TAF4B: variants seen among roughly 807,000 people sequenced by gnomAD.
The protein encoded by TAF4B is TATA-box binding protein associated factor 4b.
Under a neutral mutation model 86.4 loss-of-function variants are expected in TAF4B, and 38 were observed. The observed-to-expected ratio is 0.44, with a 90% CI of 0.34 to 0.58. The LOEUF (loss-of-function observed/expected upper bound fraction) is 0.58, where lower values mean the gene tolerates loss of function less well. Ranked by LOEUF, TAF4B falls within the 20% of genes least tolerant of loss-of-function variation. The pLI is 0.02. For missense variants in TAF4B, 988 were observed against 1,027.6 expected (o/e 0.96, Z 0.53); for synonymous variants, 388 against 391.2 (o/e 0.99, Z 0.10).
chr18:26,339,837 A>G (rs1306017780), intron 13 of TAF4B, among the ~76,000 whole-genome samples: 1 of 152,154 alleles, frequency 6.6e-6, no homozygotes, highest in Non-Finnish European at 1.5e-5. Context: ...TTCTGATTTG[A>G]TAGTTATATA....
At chr18:26,368,942 CAT>C (rs1598834783) in intron 14 of TAF4B, among the ~76,000 whole-genome samples, 3 of 152,128 alleles carry the variant, frequency 2.0e-5, no homozygotes, top group African/African-American at 4.8e-5. Context: ...AGGCTGAAAA[CAT>C]ATATTAACAA....
chr18:26,255,162 TG>T (rs1324522890), intron 1 of TAF4B, among the ~76,000 whole-genome samples: 1 of 151,800 alleles, frequency 6.6e-6, no homozygotes, highest in Non-Finnish European at 1.5e-5. Flanking sequence ...GAAATTCCCC[TG>T]GTTTCATTCA....
At chr18:26,302,371 A>ATTTTTTTTTTTTTTTTTTTT in intron 9 of TAF4B, among the ~76,000 whole-genome samples, 1 of 93,076 alleles carries the variant, frequency 1.1e-5, no homozygotes, top group Non-Finnish European at 2.0e-5. Flanking sequence ...TTCATATTAA[A>ATTTTTTTTTTTTTTTTTTTT]TTTTTTTTTT....
intron 1 of TAF4B, among the ~76,000 whole-genome samples, chr18:26,232,297 G>A (rs1034724400): frequency 7.9e-5 from 12 of 152,106 alleles, no homozygotes; most frequent in African/African-American, 2.7e-4. Flanking sequence ...ACTTCTTGCT[G>A]GATAGGGGCG....
chr18:26,280,361 A>G (rs868336232), intron 5 of TAF4B, among the ~76,000 whole-genome samples: 3 of 152,310 alleles, frequency 2.0e-5, no homozygotes, highest in Admixed American at 1.3e-4. Context: ...AGATACTATC[A>G]ACAGAGTAAA....
chr18:26,337,269 AAT>A (rs1470849478), intron 13 of TAF4B, among the ~76,000 whole-genome samples: 2 of 152,128 alleles, frequency 1.3e-5, no homozygotes, highest in Non-Finnish European at 2.9e-5. Context: ...GTGAAAGTCA[AAT>A]ATTGTCATTT....
At chr18:26,296,861 C>T (rs890009892) in intron 9 of TAF4B, among the ~76,000 whole-genome samples, 5 of 152,022 alleles carry the variant, frequency 3.3e-5, no homozygotes, top group Non-Finnish European at 7.4e-5. Flanking sequence ...AGAGGTAGGC[C>T]GGACACAGTG....
chr18:26,233,161 A>G (rs2055697790), intron 1 of TAF4B, among the ~76,000 whole-genome samples: 1 of 152,068 alleles, frequency 6.6e-6, no homozygotes, highest in African/African-American at 2.4e-5. Context: ...TGTTGTTTTC[A>G]TTTTCCCATA....
At chr18:26,343,204 G>A (rs960499058) in intron 13 of TAF4B, among the ~76,000 whole-genome samples, 4 of 152,176 alleles carry the variant, frequency 2.6e-5, no homozygotes, top group Non-Finnish European at 5.9e-5. Flanking sequence ...AATCACAGAC[G>A]TGGGTGGGAA....
At chr18:26,302,867 C>CTT (rs143541739) in intron 9 of TAF4B, among the ~76,000 whole-genome samples, 254 of 151,830 alleles carry the variant, frequency 1.7e-3, no homozygotes, top group African/African-American at 5.8e-3. Context: ...TTTAATCTTT[C>CTT]TTTTTTTAAA....
At chr18:26,276,097 C>T (rs1368772654) in intron 5 of TAF4B, among the ~76,000 whole-genome samples, 2 of 151,466 alleles carry the variant, frequency 1.3e-5, no homozygotes, top group East Asian at 1.9e-4. Context: ...TAATGAAATT[C>T]GGTTCTTATA....
At chr18:26,321,666 T>A (rs1014708970) in intron 11 of TAF4B, among the ~76,000 whole-genome samples, 2 of 152,064 alleles carry the variant, frequency 1.3e-5, no homozygotes, top group African/African-American at 2.4e-5. Flanking sequence ...ATAGTAAAAT[T>A]ATTACTATTT....
In TAF4B at chr18:26,301,527, C is replaced by T. The variant is rs531525744; in HGVS notation, c.1832+7996C>T. Among the ~76,000 whole-genome samples, 21 of 152,156 alleles carry T rather than the reference C, an allele frequency of 1.4e-4. 1 individual carries two copies. In the South Asian group the frequency reaches 2.3e-3, roughly 17 times the overall value. On this transcript the variant is annotated intron_variant, in intron 9 of 14. Transcript: ENST00000269142. ...CAGACTGGTCTTGAACTCCAGGCCT[C>T]GAGTGATCCTCCTGACTCAGCCTTC...
Position 26,267,528 on chromosome 18 carries a change from CAATT to C in TAF4B, c.506_509del (p.Leu169SerfsTer6), listed in dbSNP as rs1252947825. The C allele has an allele frequency of 6.2e-7, 1 of 1,613,916 alleles. No homozygotes were observed. ...CTCCACCGCCAAGAACTCTAGCTCA[CAATT>C]AATCAAGAAAGTGGCAGTGACACCT... On this transcript the variant is annotated frameshift_variant, in exon 3 of 15. Coordinates refer to ENST00000269142, the MANE Select transcript of TAF4B (RefSeq NM_005640.3). LOFTEE classifies it high-confidence loss of function.
In TAF4B at chr18:26,346,789, A is replaced by ATGTG. The variant is rs2057188779; in HGVS notation, c.2317-10900_2317-10899insGTGT. Among the ~76,000 whole-genome samples, 14 of 34,172 alleles carry ATGTG rather than the reference A, an allele frequency of 4.1e-4. 1 individual carries two copies. Among genetic ancestry groups the ATGTG allele is most frequent in the African/African-American group, 1.1e-3 (14 of 12,358 alleles). The allele number at this position is 34,172 out of a possible 152,430, so 22.4% of individuals were successfully genotyped here. A position where few individuals can be genotyped will look rare whatever the true frequency, so the allele number is the denominator to read the frequency against. On this transcript the variant is annotated intron_variant, in intron 13 of 14. Transcript: ENST00000269142. ...TATATATATATGTGTGTGTATATAT[A>ATGTG]TATATATATGTGTATATATATATAT...
chr18:26,388,342 A>G (rs746291939), intron 14 of TAF4B, among the ~76,000 whole-genome samples: 1 of 152,252 alleles, frequency 6.6e-6, no homozygotes, highest in Non-Finnish European at 1.5e-5. Flanking sequence ...TCATTTTAAA[A>G]TGACATTTAG....
At position 26,315,323 on chromosome 18, in the gene TAF4B, G is replaced by T; in HGVS notation, c.1927G>T (p.Gly643Cys). ...CTTAGCAACAAACTCTGAATTGGTT[G>T]GCACACTCATTCAGTCATGTAAAGA... is the stretch of plus-strand genomic sequence containing the variant. Reference protein sequence around the residue: ...CILATNSELVGTLIQSCKDEP... With the variant: ...CILATNSELVCTLIQSCKDEP... The change falls in exon 10 of 15, where the codon GGC (glycine) becomes TGC (cysteine). Residue 643 changes from glycine to cysteine, a missense_variant. Physicochemically the swap from Gly to Cys is radical, Grantham distance 159. Transcript: ENST00000269142. 6 of 1,613,458 alleles carry T rather than the reference G, an allele frequency of 3.7e-6. No homozygotes were observed. Among genetic ancestry groups the T allele is most frequent in the Non-Finnish European group, 5.1e-6 (6 of 1,179,824 alleles).
chr18:26,335,345 T>G (rs2057082397), intron 13 of TAF4B, 114 bp downstream of exon 13: 3 of 891,054 alleles, frequency 3.4e-6, no homozygotes, highest in Non-Finnish European at 5.5e-6. Context: ...GCAGAAGCCT[T>G]GGGGAAGGAC....
At chr18:26,369,029 A>G (rs531781504) in intron 14 of TAF4B, among the ~76,000 whole-genome samples, 1 of 152,368 alleles carries the variant, frequency 6.6e-6, no homozygotes, top group South Asian at 2.1e-4. Context: ...ACTAGTGACT[A>G]GAGGCATTCT....
Sources: gnomAD v4.1 joint callset for allele counts (sites outside exome capture counted in the v4.1 genomes callset) on GRCh38, gnomAD v4.1.1 for gene constraint, MANE v1.5 for transcripts, NCBI Gene and HGNC (gene_info 2026-07-23, HGNC 2026-07-21) for gene names.